Variants in METTL9 observed in about 807,000 individuals in gnomAD.
METTL9 encodes the protein methyltransferase 9, His-X-His N1(pi)-histidine, also known as protein-L-histidine N-pros-methyltransferase.
A neutral mutation model predicts 36.0 loss-of-function variants in METTL9; 10 were observed. The observed-to-expected ratio is 0.28, with a 90% CI of 0.17 to 0.47. METTL9 has a LOEUF of 0.47. Among genes scored for constraint, METTL9 ranks in the 20% least tolerant of loss-of-function variants. The pLI, the probability that METTL9 is intolerant of heterozygous loss-of-function variation, is 0.99. For synonymous variants in METTL9, 175 were observed against 149.7 expected (o/e 1.17, Z -1.23); for missense variants, 246 against 383.5 (o/e 0.64, Z 3.00).
chr16:21,616,872 G>C (rs1965566399), intron 2 of METTL9, among the ~76,000 whole-genome samples: 1 of 151,912 alleles, frequency 6.6e-6, no homozygotes, highest in Admixed American at 6.6e-5. Flanking sequence ...GTGTTAGCTT[G>C]TCATCTTTTT....
rs752574711 is a variant in METTL9 at position 21,599,838 on chromosome 16, C to G, written c.105C>G (p.Asn35Lys). 1.3e-6 allele frequency: 2 copies of G among 1,532,730 alleles called. No homozygotes were observed. Among genetic ancestry groups the G allele is most frequent in the Non-Finnish European group, 1.7e-6 (2 of 1,146,648 alleles). 94.9% of individuals were successfully genotyped at this position (1,532,730 alleles called of 1,614,324 possible). A position where few individuals can be genotyped will look rare whatever the true frequency, so the allele number is the denominator to read the frequency against. The change falls in exon 1 of 5, where the codon AAC becomes AAG. Residue 35 changes from asparagine (N) to lysine (K), a missense_variant. Asn to Lys is a moderately conservative substitution (Grantham distance 94). Coordinates refer to ENST00000358154, the MANE Select transcript of METTL9 (RefSeq NM_016025.5). This position sits in a 1 kb window ranked among gnomAD's most constrained non-coding sequence, Gnocchi z 4.4. ...CGCTCACCCGCTCCCTGTACGTGAA[C>G]ATGACTAGCGGCCCGGGTGGGCCGG... is the stretch of plus-strand genomic sequence containing the variant. ...RSPLTRSLYV[N>K]MTSGPGGPAA...
intron 4 of METTL9, among the ~76,000 whole-genome samples, chr16:21,648,510 G>C (rs1441545198): frequency 6.6e-6 from 1 of 152,180 alleles, no homozygotes; most frequent in South Asian, 2.1e-4. Context: ...TGGACGTCTA[G>C]CCACAAGGTG....
chr16:21,640,227 C>T (rs1449490695), intron 4 of METTL9: 9 of 152,066 alleles, frequency 5.9e-5, no homozygotes, highest in Non-Finnish European at 1.3e-4. Context: ...CGTGAGCCAC[C>T]ACACCCGGCC....
intron 4 of METTL9, among the ~76,000 whole-genome samples, chr16:21,636,547 A>G (rs1966097564): frequency 6.6e-6 from 1 of 152,218 alleles, no homozygotes; most frequent in Non-Finnish European, 1.5e-5. Flanking sequence ...TAGATGGGCT[A>G]GTCTCGCTTG....
intron 4 of METTL9, chr16:21,625,371 A>G (rs1037781141): frequency 2.2e-6 from 1 of 456,296 alleles, no homozygotes; most frequent in Non-Finnish European, 4.0e-6. Flanking sequence ...ATTGAAAGCT[A>G]AAAATGCAAC....
chr16:21,614,615 A>G (rs1965508870), intron 2 of METTL9, among the ~76,000 whole-genome samples: 1 of 152,202 alleles, frequency 6.6e-6, no homozygotes, highest in African/African-American at 2.4e-5. Context: ...CTTTCCGGTC[A>G]TGGCAGTGGG....
chr16:21,640,995 T>C (rs940012422), intron 4 of METTL9: 2 of 152,258 alleles, frequency 1.3e-5, no homozygotes, highest in Non-Finnish European at 2.9e-5. Context: ...CTCATTTTGC[T>C]GATAGCATGA....
At chr16:21,643,473 TA>T in intron 4 of METTL9, 2 of 960,068 alleles carry the variant, frequency 2.1e-6, no homozygotes, top group Non-Finnish European at 3.2e-6. Context: ...ATTTAAAAGC[TA>T]AAAAATATTT....
chr16:21,643,115 C>A, intron 4 of METTL9: 1 of 1,609,102 alleles, frequency 6.2e-7, no homozygotes, highest in South Asian at 1.1e-5. Context: ...TGGTATAGTT[C>A]TTGAGCAATT....
chr16:21,619,026 T>C (rs1405661688), intron 3 of METTL9, among the ~76,000 whole-genome samples: 1 of 152,148 alleles, frequency 6.6e-6, no homozygotes, highest in Non-Finnish European at 1.5e-5. Context: ...TGAATGATAA[T>C]TCGCTGTATG....
intron 1 of METTL9, among the ~76,000 whole-genome samples, chr16:21,605,576 C>T (rs1965263152): frequency 1.3e-5 from 2 of 152,060 alleles, no homozygotes; most frequent in South Asian, 4.1e-4. Flanking sequence ...AAACTGCCCT[C>T]ATTCTAGTGA....
At chr16:21,600,440 C>G (rs996663860) in intron 1 of METTL9, among the ~76,000 whole-genome samples, 42 of 152,314 alleles carry the variant, frequency 2.8e-4, no homozygotes, top group African/African-American at 9.4e-4. Context: ...ACATTTCTCC[C>G]TAAGCACTTA....
At chr16:21,638,404 T>G (rs950108312) in intron 4 of METTL9, among the ~76,000 whole-genome samples, 3 of 152,186 alleles carry the variant, frequency 2.0e-5, no homozygotes, top group African/African-American at 7.2e-5. Context: ...TGTTGAATGG[T>G]CTTTATGGAA....
At chr16:21,620,512 C>T (rs1295305389) in intron 3 of METTL9, among the ~76,000 whole-genome samples, 1 of 152,154 alleles carries the variant, frequency 6.6e-6, no homozygotes, top group South Asian at 2.1e-4. Flanking sequence ...GATTGACCGC[C>T]CCAGCCTTCT....
intron 4 of METTL9, among the ~76,000 whole-genome samples, chr16:21,636,165 A>G (rs1469705915): frequency 6.6e-6 from 1 of 152,186 alleles, no homozygotes; most frequent in Non-Finnish European, 1.5e-5. Context: ...GGGTTGGAAG[A>G]GTGACACCTT....
intron 1 of METTL9, among the ~76,000 whole-genome samples, chr16:21,603,156 T>C (rs74395794): frequency 6.6e-6 from 1 of 151,568 alleles, no homozygotes; most frequent in African/African-American, 2.4e-5. Flanking sequence ...TTTTTTTTTT[T>C]GGAGACAGGG....
intron 4 of METTL9, chr16:21,647,146 T>C (rs933924758): frequency 1.2e-6 from 2 of 1,614,166 alleles, no homozygotes; most frequent in Admixed American, 1.7e-5. Context: ...TTACCACCAG[T>C]GTGGTCCCTC....
At position 21,622,807 on chromosome 16, in the gene METTL9, T is replaced by C. The variant is rs538988541; in HGVS notation, c.567-2124T>C. Among the ~76,000 whole-genome samples the C allele has an allele frequency of 2.3e-4, 35 of 152,356 alleles. No individual in the cohort carries two copies. In the South Asian group the frequency reaches 6.2e-3, roughly 27 times the overall value. ...CAGAGGCTACCTATCTGAAACTCATTCTGAGGTAGGTTTAGTGAGATTATT... is the reference window on the plus strand; with the variant it reads ...CAGAGGCTACCTATCTGAAACTCATCCTGAGGTAGGTTTAGTGAGATTATT... On this transcript the variant is annotated intron_variant, in intron 3 of 4. Coordinates refer to ENST00000358154, the MANE Select transcript of METTL9 (RefSeq NM_016025.5).
At position 21,655,669 on chromosome 16, in the gene METTL9, C is replaced by G; in HGVS notation, c.*237C>G. 2.1e-6 allele frequency: 1 copy of G among 466,892 alleles called. No homozygotes were observed. Among genetic ancestry groups the G allele is most frequent in the Non-Finnish European group, 3.8e-6 (1 of 263,706 alleles). 28.9% of individuals were successfully genotyped at this position (466,892 alleles called of 1,614,324 possible). On this transcript the variant is annotated 3_prime_UTR_variant, in exon 5 of 5. Transcript: ENST00000358154. Reference sequence around the variant, plus strand: ...TATCAACTCTTTACTCAGAGCCACTCTCCAATGCAGGTCACACTCCAATTA... The same window carrying G: ...TATCAACTCTTTACTCAGAGCCACTGTCCAATGCAGGTCACACTCCAATTA...
Sources: gnomAD v4.1 joint callset for allele counts (sites outside exome capture counted in the v4.1 genomes callset) on GRCh38, gnomAD v4.1.1 for gene constraint, Gnocchi (gnomAD v3.1) non-coding constraint, MANE v1.5 for transcripts, NCBI Gene and HGNC (gene_info 2026-07-23, HGNC 2026-07-21) for gene names.